CCDC171: variants seen among roughly 807,000 people sequenced by gnomAD.
CCDC171 encodes the protein coiled-coil domain-containing protein 171.
CCDC171 carries 177 observed loss-of-function variants against 168.2 expected under a neutral mutation model. The ratio of observed to expected loss-of-function variants is 1.05; its 90% CI spans 0.93 to 1.19. CCDC171 has a LOEUF of 1.19. Ranked by LOEUF, CCDC171 falls within the 50% of genes most tolerant of loss-of-function variation. The pLI is 0.00. For missense variants in CCDC171, 1,991 were observed against 1,539.0 expected (o/e 1.29, Z -4.91); for synonymous variants, 687 against 540.8 (o/e 1.27, Z -3.75).
rs1205953858 is a variant in CCDC171, at chr9:15,819,505, C to G, written c.3268-27197C>G. On this transcript the variant is annotated intron_variant, in intron 21 of 25. Coordinates refer to ENST00000380701, the MANE Select transcript of CCDC171 (RefSeq NM_173550.4). ...AAGGGATGGAGGAAGATCTACCAAG[C>G]AAATGGAAAACAAAAATAGGCAGGG... Among the ~76,000 whole-genome samples, 29 of 116,448 alleles carry G rather than the reference C, an allele frequency of 2.5e-4. 7 individuals carry two copies. The highest frequency in any genetic ancestry group is 8.4e-4 in the African/African-American group (26 of 30,904). 76.4% of individuals were successfully genotyped at this position (116,448 alleles called of 152,430 possible).
intron 2 of CCDC171, among the ~76,000 whole-genome samples, chr9:15,566,525 C>G (rs2039742050): frequency 1.3e-5 from 2 of 152,232 alleles, no homozygotes; most frequent in Non-Finnish European, 2.9e-5. Flanking sequence ...TGCCACTGTA[C>G]TTGAGCCAGG....
At chr9:15,774,998 G>C (rs1402470881) in intron 18 of CCDC171, among the ~76,000 whole-genome samples, 1 of 152,150 alleles carries the variant, frequency 6.6e-6, no homozygotes, top group Admixed American at 6.5e-5. Context: ...CACATTGGGT[G>C]CAGTGTACAC....
rs371947436 is a variant in CCDC171, at chr9:15,846,682, T to G, written c.3268-20T>G. The stretch of plus-strand genomic sequence containing the variant: ...AATTATCAGGGCTGACAAGTAACTC[T>G]GTTTTCTGTCTGCTTGCAGAGTCTC... On this transcript the variant is annotated intron_variant, in intron 21 of 25. Transcript: ENST00000380701. 6.8e-6 allele frequency: 11 copies of G among 1,611,430 alleles called. No individual in the cohort carries two copies. The highest frequency in any genetic ancestry group is 9.3e-6 in the Non-Finnish European group (11 of 1,178,428).
intron 11 of CCDC171, among the ~76,000 whole-genome samples, chr9:15,709,017 AC>A (rs1338626936): frequency 6.6e-6 from 1 of 152,172 alleles, no homozygotes; most frequent in African/African-American, 2.4e-5. Flanking sequence ...AAAACTAAGC[AC>A]CACAAAACGA....
chr9:15,964,944 G>A (rs1375652771), intron 25 of CCDC171, among the ~76,000 whole-genome samples: 1 of 152,022 alleles, frequency 6.6e-6, no homozygotes. Context: ...GTATTTTTAA[G>A]CAGAGACGGG....
At chr9:15,615,722 G>C (rs983374623) in intron 6 of CCDC171, among the ~76,000 whole-genome samples, 1 of 151,644 alleles carries the variant, frequency 6.6e-6, no homozygotes, top group Non-Finnish European at 1.5e-5. Flanking sequence ...TGGGATTTAA[G>C]TGATTATGTG....
intron 25 of CCDC171, among the ~76,000 whole-genome samples, chr9:15,927,173 T>A (rs1045823313): frequency 2.0e-5 from 3 of 151,734 alleles, no homozygotes; most frequent in African/African-American, 7.2e-5. Flanking sequence ...ACAATAATAA[T>A]GCTGGAGTTC....
chr9:15,577,166 C>T (rs760126710), intron 3 of CCDC171, among the ~76,000 whole-genome samples: 21 of 152,126 alleles, frequency 1.4e-4, no homozygotes, highest in Admixed American at 7.2e-4. Context: ...ATTAGATTTC[C>T]AGGTTTGTTC....
chr9:15,964,554 A>G (rs1277876528), intron 25 of CCDC171, among the ~76,000 whole-genome samples: 1 of 152,144 alleles, frequency 6.6e-6, no homozygotes, highest in Non-Finnish European at 1.5e-5. Context: ...CAGGTCAGCA[A>G]CAGACTGCAA....
the CCDC171 span, among the ~76,000 whole-genome samples, chr9:16,106,197 G>A: frequency 1.3e-5 from 2 of 152,168 alleles, no homozygotes; most frequent in Non-Finnish European, 1.5e-5. Flanking sequence ...TCTCCTAACA[G>A]GGGCCAGAAA....
chr9:15,834,486 A>G (rs1427684397), intron 21 of CCDC171, among the ~76,000 whole-genome samples: 6 of 152,194 alleles, frequency 3.9e-5, no homozygotes, highest in Non-Finnish European at 8.8e-5. Flanking sequence ...TCACATCACT[A>G]CTTAAGATGT....
intron 3 of CCDC171, among the ~76,000 whole-genome samples, chr9:16,018,123 G>A (rs540294323): frequency 1.3e-5 from 2 of 152,300 alleles, no homozygotes; most frequent in South Asian, 2.1e-4. Context: ...AAGGCAGGTA[G>A]AATAGATGTT....
Position 15,718,986 on chromosome 9 carries a change from A to G in CCDC171, c.1319-2783A>G, listed in dbSNP as rs528283301. On this transcript the variant is annotated intron_variant, in intron 11 of 25. Coordinates refer to ENST00000380701, the MANE Select transcript of CCDC171 (RefSeq NM_173550.4). ...AACATGACTTCAGCAAACAAACTAA[A>G]TAAGGGACCAGAAACCAACCCTGGA... is the stretch of plus-strand genomic sequence containing the variant. Among the ~76,000 whole-genome samples the G allele has an allele frequency of 4.6e-5, 7 of 152,292 alleles. No individual in the cohort carries two copies. In the South Asian group the frequency reaches 1.2e-3, roughly 27 times the overall value.
chr9:16,093,881 A>G, the CCDC171 span, among the ~76,000 whole-genome samples: 1 of 152,200 alleles, frequency 6.6e-6, no homozygotes, highest in Non-Finnish European at 1.5e-5. Context: ...AATATAGGAA[A>G]TATAATAGAT....
intron 2 of CCDC171, among the ~76,000 whole-genome samples, chr9:15,567,627 A>G (rs1418694593): frequency 6.6e-6 from 1 of 151,938 alleles, no homozygotes; most frequent in East Asian, 1.9e-4. Flanking sequence ...TTTGAACAAC[A>G]TTTTGTATTT....
At chr9:16,013,713 A>G (rs1166407788) in intron 3 of CCDC171, among the ~76,000 whole-genome samples, 1 of 152,212 alleles carries the variant, frequency 6.6e-6, no homozygotes, top group African/African-American at 2.4e-5. Flanking sequence ...CAATAAAGTG[A>G]GTCACAGATA....
At chr9:15,606,249 C>A (rs907543985) in intron 6 of CCDC171, among the ~76,000 whole-genome samples, 3 of 152,156 alleles carry the variant, frequency 2.0e-5, no homozygotes, top group Non-Finnish European at 4.4e-5. Flanking sequence ...TTTCAGTAAT[C>A]TCTTATTGAT....
chr9:15,804,751 A>T (rs1226109023), intron 21 of CCDC171, among the ~76,000 whole-genome samples: 2 of 152,030 alleles, frequency 1.3e-5, no homozygotes, highest in Non-Finnish European at 2.9e-5. Context: ...GCCTCATAGA[A>T]TGAGTTTGGT....
chr9:15,586,076 C>A (rs2041536112), intron 4 of CCDC171, among the ~76,000 whole-genome samples: 1 of 152,100 alleles, frequency 6.6e-6, no homozygotes, highest in Non-Finnish European at 1.5e-5. Flanking sequence ...ATATTACATT[C>A]TAATTAATGA....
Sources: allele counts gnomAD v4.1 joint callset (sites outside exome capture counted in the v4.1 genomes callset), GRCh38; gene constraint gnomAD v4.1.1; transcripts MANE v1.5; gene names NCBI Gene and HGNC (gene_info 2026-07-23, HGNC 2026-07-21).